GRM8: variants seen among roughly 807,000 people sequenced by gnomAD.
GRM8 encodes the protein glutamate metabotropic receptor 8, also known as metabotropic glutamate receptor 8.
In GRM8, 47 loss-of-function variants were observed where a neutral mutation model predicts 87.2. That is an observed-to-expected ratio of 0.54 (90% confidence interval 0.43 to 0.69). The LOEUF (loss-of-function observed/expected upper bound fraction) is 0.69, where lower values mean the gene tolerates loss of function less well. Ranked by LOEUF, GRM8 falls within the 30% of genes least tolerant of loss-of-function variation. The pLI is 0.00. For missense variants in GRM8, 1,019 were observed against 1,139.2 expected (o/e 0.89, Z 1.52); for synonymous variants, 396 against 404.5 (o/e 0.98, Z 0.25).
chr7:126,694,490 T>C (rs1030302789), intron 7 of GRM8, among the ~76,000 whole-genome samples: 2 of 152,234 alleles, frequency 1.3e-5, no homozygotes, highest in African/African-American at 4.8e-5. Context: ...GAAGCTATTA[T>C]CTATATTTAT....
At chr7:127,160,935 G>A (rs533415379) in intron 2 of GRM8, among the ~76,000 whole-genome samples, 2 of 152,206 alleles carry the variant, frequency 1.3e-5, no homozygotes, top group Admixed American at 1.3e-4. Flanking sequence ...AAAAAGCAGA[G>A]CCTGAGTGGT....
intron 3 of GRM8, among the ~76,000 whole-genome samples, chr7:126,949,939 T>C (rs572805108): frequency 5.1e-4 from 78 of 152,336 alleles, no homozygotes; most frequent in Admixed American, 5.0e-3. Context: ...AGGAAGCCTG[T>C]AGGCTTCTGT....
intron 3 of GRM8, among the ~76,000 whole-genome samples, chr7:127,073,153 C>G (rs758099642): frequency 5.9e-5 from 9 of 152,162 alleles, no homozygotes; most frequent in Non-Finnish European, 1.0e-4. Flanking sequence ...GCCCACTGAG[C>G]AGACCTTTGA....
chr7:127,016,001 T>C (rs1815632058), intron 3 of GRM8, among the ~76,000 whole-genome samples: 1 of 152,102 alleles, frequency 6.6e-6, no homozygotes, highest in African/African-American at 2.4e-5. Flanking sequence ...GAATATCTCT[T>C]ATTCACTGTT....
At chr7:127,037,561 C>T (rs554175563) in intron 3 of GRM8, among the ~76,000 whole-genome samples, 2 of 152,330 alleles carry the variant, frequency 1.3e-5, no homozygotes, top group East Asian at 1.9e-4. Context: ...TGCTTCCTTT[C>T]TCTCAAAGTA....
intron 3 of GRM8, among the ~76,000 whole-genome samples, chr7:127,021,296 C>T (rs1470280903): frequency 1.3e-5 from 2 of 151,896 alleles, no homozygotes; most frequent in African/African-American, 4.8e-5. Flanking sequence ...ACCTCCCCAG[C>T]TGCTTCCTTT....
At position 126,446,216 on chromosome 7, in the gene GRM8, C is replaced by T. The variant is rs1488933619; in HGVS notation, c.2587G>A (p.Ala863Thr). Reference protein sequence around the residue: ...KRSFKAVVTAATMQSKLIQKG... With the variant: ...KRSFKAVVTATTMQSKLIQKG... ...TGGATCAGTTTGCTTTGCATGGTGG[C>T]AGCTGTCACCACAGCCTTGAAGCTC... The change falls in exon 10 of 11, where the codon GCC (alanine) becomes ACC (threonine). Residue 863 changes from alanine to threonine, a missense_variant. By Grantham distance (58) the Ala-to-Thr change is moderately conservative. Coordinates refer to ENST00000339582, the MANE Select transcript of GRM8 (RefSeq NM_000845.3). 1 of 1,613,028 alleles carries T rather than the reference C, an allele frequency of 6.2e-7. No homozygotes were observed. Among genetic ancestry groups the T allele is most frequent in the Middle Eastern group, 1.7e-4 (1 of 6,050 alleles).
intron 3 of GRM8, among the ~76,000 whole-genome samples, chr7:126,951,966 A>G (rs955610596): frequency 2.6e-5 from 4 of 152,006 alleles, no homozygotes; most frequent in Non-Finnish European, 5.9e-5. Flanking sequence ...CCCAGTAGTA[A>G]TAAGCACATC....
chr7:126,772,643 T>C (rs188499984), intron 6 of GRM8, among the ~76,000 whole-genome samples: 2 of 152,216 alleles, frequency 1.3e-5, no homozygotes, highest in East Asian at 1.9e-4. Flanking sequence ...TTTTATGGTA[T>C]TGAAGTATGA....
chr7:126,893,264 C>T (rs919177521), intron 6 of GRM8, among the ~76,000 whole-genome samples: 3 of 151,838 alleles, frequency 2.0e-5, no homozygotes, highest in Non-Finnish European at 4.4e-5. Context: ...GTTAAATATT[C>T]AGGTAACCAA....
chr7:126,638,519 G>C (rs552715326), intron 7 of GRM8, among the ~76,000 whole-genome samples: 37 of 152,264 alleles, frequency 2.4e-4, no homozygotes, highest in Admixed American at 9.8e-4. Flanking sequence ...GGGGCATATA[G>C]ACAAGTAGGT....
At chr7:127,229,460 A>G (rs1376691167) in intron 2 of GRM8, 2 of 152,234 alleles carry the variant, frequency 1.3e-5, no homozygotes, top group African/African-American at 2.4e-5. Context: ...CCTGGGCTAC[A>G]TGAATATAAA....
intron 7 of GRM8, among the ~76,000 whole-genome samples, chr7:126,737,562 C>A (rs972556321): frequency 5.9e-5 from 9 of 151,930 alleles, no homozygotes; most frequent in African/African-American, 2.2e-4. Flanking sequence ...GTCTAGGCAG[C>A]GGGCAAGGTG....
intron 3 of GRM8, among the ~76,000 whole-genome samples, chr7:127,091,837 C>A (rs191782829): frequency 2.7e-4 from 22 of 81,866 alleles, no homozygotes; most frequent in Non-Finnish European, 4.7e-4. Context: ...TGGCTGGCGA[C>A]CCCCCGGCCG....
At chr7:127,010,866 CTTG>C (rs1006051555) in intron 3 of GRM8, among the ~76,000 whole-genome samples, 2 of 151,802 alleles carry the variant, frequency 1.3e-5, no homozygotes, top group African/African-American at 2.4e-5. Flanking sequence ...TTCAAAGCCA[CTTG>C]TTGTGTAGGA....
chr7:126,866,884 C>T (rs954519928), intron 6 of GRM8, among the ~76,000 whole-genome samples: 3 of 151,944 alleles, frequency 2.0e-5, no homozygotes, highest in Non-Finnish European at 4.4e-5. Flanking sequence ...GCTACCGCGC[C>T]CTGCCTTGAC....
chr7:127,209,825 A>G (rs2237803), intron 2 of GRM8, among the ~76,000 whole-genome samples: 100,094 of 152,048 alleles, frequency 0.66, 34,790 homozygotes, highest in African/African-American at 0.87. Flanking sequence ...AAATACTAGC[A>G]AGTGAATTAA....
intron 7 of GRM8, among the ~76,000 whole-genome samples, chr7:126,761,178 A>G (rs1360981593): frequency 2.0e-5 from 3 of 152,104 alleles, no homozygotes; most frequent in East Asian, 1.9e-4. Flanking sequence ...AGCCTGGGTG[A>G]CAAAGCGAGA....
intron 7 of GRM8, among the ~76,000 whole-genome samples, chr7:126,764,121 G>T (rs1229594094): frequency 6.6e-6 from 1 of 151,706 alleles, no homozygotes; most frequent in Non-Finnish European, 1.5e-5. Context: ...CAAATAATTT[G>T]AAAATCATCA....
Sources: gnomAD v4.1 joint callset for allele counts (sites outside exome capture counted in the v4.1 genomes callset) on GRCh38, gnomAD v4.1.1 for gene constraint, MANE v1.5 for transcripts, NCBI Gene and HGNC (gene_info 2026-07-23, HGNC 2026-07-21) for gene names.